Variants in IQGAP3 observed in about 807,000 individuals in gnomAD.
IQGAP3 encodes IQ motif containing GTPase activating protein 3.
IQGAP3 carries 165 observed loss-of-function variants against 208.2 expected under a neutral mutation model. The ratio of observed to expected loss-of-function variants is 0.79; its 90% CI spans 0.70 to 0.90. IQGAP3 has a LOEUF of 0.90. Ranked by LOEUF, IQGAP3 falls within the 40% of genes least tolerant of loss-of-function variation. The probability of loss-of-function intolerance (pLI) is 0.00; values close to 1 mark genes in which losing one functional copy is unlikely to be tolerated. For missense variants in IQGAP3, 1,811 were observed against 2,043.1 expected (o/e 0.89, Z 2.19); for synonymous variants, 703 against 803.6 (o/e 0.87, Z 2.12).
At chr1:156,546,611 G>A (rs1402349567) in intron 19 of IQGAP3, among the ~76,000 whole-genome samples, 1 of 152,162 alleles carries the variant, frequency 6.6e-6, no homozygotes, top group Admixed American at 6.5e-5. Flanking sequence ...CATGCTAAGT[G>A]CTACATGTAA....
At chr1:156,552,162 C>T in intron 13 of IQGAP3, 67 bp from the exon 14 acceptor site, 2 of 1,573,602 alleles carry the variant, frequency 1.3e-6, no homozygotes, top group South Asian at 1.2e-5. Context: ...TCAGGGGAAA[C>T]AGTTGAACGA....
Position 156,539,927 on chromosome 1 carries a change from C to T in IQGAP3, c.2803G>A (p.Val935Ile), listed in dbSNP as rs775492511. ...TTTAAACCCTTCTGCTTGTCCAGAA[C>T]CATCATATCTGACAGCTGTTCCTTA... Reference protein sequence around the residue: ...RNKEQLSDMMVLDKQKGLKSL... With the variant: ...RNKEQLSDMMILDKQKGLKSL... The change falls in exon 24 of 38, where the codon GTT (valine) becomes ATT (isoleucine). Residue 935 changes from valine to isoleucine, a missense_variant. Val to Ile is a conservative substitution (Grantham distance 29). Transcript: ENST00000361170. 3 of 1,614,090 alleles carry T rather than the reference C, an allele frequency of 1.9e-6. No homozygotes were observed. In the Admixed American group the frequency reaches 5.0e-5, roughly 27 times the overall value.
rs1431122691 is a variant in IQGAP3, at chr1:156,530,199, T to A, written c.4310A>T (p.Gln1437Leu). 1 of 1,613,340 alleles carries A rather than the reference T, an allele frequency of 6.2e-7. No individual in the cohort carries two copies. Residue 1437 changes from glutamine (Q) to leucine (L), a missense_variant, in exon 34 of 38, where the codon CAG (glutamine) becomes CTG (leucine). Transcript: ENST00000361170. Reference protein sequence around the residue: ...AHSLLPLAEKQRRVLRNLRRL... With the variant: ...AHSLLPLAEKLRRVLRNLRRL... ...GCGTAGGTTCCGCAGGACGCGCCGC[T>A]GCTTCTCTGCCAGTGGCAGGAGGGA...
chr1:156,553,356 T>C (rs970483530), intron 13 of IQGAP3, among the ~76,000 whole-genome samples: 19 of 152,206 alleles, frequency 1.2e-4, no homozygotes, highest in African/African-American at 4.6e-4. Context: ...GGCTTCCTGA[T>C]GTTCTTTGAA....
At chr1:156,561,084 G>A in intron 10 of IQGAP3, 63 bp from the exon 11 acceptor site, 4 of 1,232,342 alleles carry the variant, frequency 3.2e-6, no homozygotes, top group Non-Finnish European at 4.8e-6. Flanking sequence ...TGCTTTACGA[G>A]TTGCCAGCAT....
Position 156,564,619 on chromosome 1 carries a change from G to C in IQGAP3, c.433C>G (p.Leu145Val), listed in dbSNP as rs745666241. Residue 145 changes from leucine (L) to valine (V), a missense_variant, in exon 5 of 38, where the codon CTC becomes GTC. Leu to Val is a conservative substitution (Grantham distance 32, BLOSUM62 1). Coordinates refer to ENST00000361170, the MANE Select transcript of IQGAP3 (RefSeq NM_178229.5). ...ATAAAATTTGAGGTCTCTCACCTGAGAGCATGGATGCAGTAGACTACCCGG... is the reference window on the plus strand; with the variant it reads ...ATAAAATTTGAGGTCTCTCACCTGACAGCATGGATGCAGTAGACTACCCGG... Reference protein sequence around the residue: ...MPRVVYCIHALSLFLFRLGLA... With the variant: ...MPRVVYCIHAVSLFLFRLGLA... 10 of 1,610,350 alleles carry C rather than the reference G, an allele frequency of 6.2e-6. No homozygotes were observed. In the East Asian group the frequency reaches 1.6e-4, roughly 25 times the overall value.
In IQGAP3 at chr1:156,525,653, G is replaced by A. The variant is rs758194174; in HGVS notation, c.*833C>T. 3.6e-5 allele frequency: 5 copies of A among 140,050 alleles called. No homozygotes were observed. Among genetic ancestry groups the A allele is most frequent in the African/African-American group, 5.2e-5 (2 of 38,322 alleles). 8.7% of individuals were successfully genotyped at this position (140,050 alleles called of 1,614,324 possible). On this transcript the variant is annotated 3_prime_UTR_variant, in exon 38 of 38. Coordinates refer to ENST00000361170, the MANE Select transcript of IQGAP3 (RefSeq NM_178229.5). Reference sequence around the variant, plus strand: ...TGAGAATCTGTTGCCCCAACCTAAGGTGACTTTAAATCCAAGGTAAAAAAC... The same window carrying A: ...TGAGAATCTGTTGCCCCAACCTAAGATGACTTTAAATCCAAGGTAAAAAAC...
Position 156,552,061 on chromosome 1 carries a change from G to A in IQGAP3, c.1483C>T (p.Arg495Cys), listed in dbSNP as rs141030517. 8.4e-5 allele frequency: 135 copies of A among 1,614,132 alleles called. No individual in the cohort carries two copies. The highest frequency in any genetic ancestry group is 8.3e-4 in the African/African-American group (62 of 75,028). ...CTCAGGAAGTCCTCACCCATCCCAC[G>A]CTCCTGTCGCAATTTCAGCAGGGCA... The part of the protein sequence containing the change: ...FDALLKLRQE[R>C]GMGEDFLSWN... The change falls in exon 14 of 38, where the codon CGT becomes TGT. Residue 495 changes from arginine to cysteine, a missense_variant. Physicochemically the swap from Arg to Cys is radical, Grantham distance 180. Transcript: ENST00000361170.
intron 36 of IQGAP3, 92 bp from the exon 37 acceptor site, chr1:156,528,152 C>G: frequency 1.1e-6 from 1 of 950,442 alleles, no homozygotes; most frequent in Non-Finnish European, 1.7e-6. Flanking sequence ...TCCTGGGCAG[C>G]GGTGTCATCC....
rs1244544731 is a variant in IQGAP3 at position 156,566,511 on chromosome 1, G to T, written c.161C>A (p.Ser54Tyr). The change falls in exon 3 of 38, where the codon TCC becomes TAC. Residue 54 changes from serine to tyrosine, a missense_variant. Transcript: ENST00000361170. ...AAGGCTCTCCTCCAGCTCCACCGGG[G>T]AAGGAAGCTCCTCCTTCAGGCAGGC... ...MEACLKEELP[S>Y]PVELEESLRN... is the part of the protein sequence containing the mutation. The T allele has an allele frequency of 1.2e-6, 2 of 1,614,132 alleles. No homozygotes were observed. Among genetic ancestry groups the T allele is most frequent in the East Asian group, 4.5e-5 (2 of 44,876 alleles).
chr1:156,545,503 C>CT (rs34641885), intron 19 of IQGAP3, among the ~76,000 whole-genome samples: 8,442 of 142,438 alleles, frequency 0.059, 362 homozygotes, highest in African/African-American at 0.11. Flanking sequence ...TACTTCCTGT[C>CT]TTTTTTTTTT....
intron 2 of IQGAP3, among the ~76,000 whole-genome samples, chr1:156,567,418 C>T (rs1676459281): frequency 6.6e-6 from 1 of 152,214 alleles, no homozygotes; most frequent in Admixed American, 6.5e-5. Context: ...CCTCTGTGAG[C>T]CTCAGTTGCA....
Position 156,540,009 on chromosome 1 carries a change from G to T in IQGAP3, c.2740-19C>A. 1 of 1,613,924 alleles carries T rather than the reference G, an allele frequency of 6.2e-7. No homozygotes were observed. The highest frequency in any genetic ancestry group is 8.5e-7 in the Non-Finnish European group (1 of 1,179,954). ...CCACTTCCTGCAGGGGTGGAGGAGC[G>T]GGTGATACAACTAGCCTAGGCCATC... On this transcript the variant is annotated intron_variant, in intron 23 of 37. Transcript: ENST00000361170.
In IQGAP3 at chr1:156,525,734, A is replaced by AAAAAAAAAAC. The variant is rs1674015604; in HGVS notation, c.*751_*752insGTTTTTTTTT. 7.1e-6 allele frequency: 1 copy of AAAAAAAAAAC among 141,758 alleles called. No homozygotes were observed. Among genetic ancestry groups the AAAAAAAAAAC allele is most frequent in the African/African-American group, 2.7e-5 (1 of 36,908 alleles). 8.8% of individuals were successfully genotyped at this position (141,758 alleles called of 1,614,324 possible). A position where few individuals can be genotyped will look rare whatever the true frequency, so the allele number is the denominator to read the frequency against. ...ATGAGAACTCTCTTTGAGCTCAAAAAAAAAAAAAAAAAAAAAAAAATGAAA... is the reference window on the plus strand; with the variant it reads ...ATGAGAACTCTCTTTGAGCTCAAAAAAAAAAAAAACAAAAAAAAAAAAAAAAAAAATGAAA... On this transcript the variant is annotated 3_prime_UTR_variant, in exon 38 of 38. Coordinates refer to ENST00000361170, the MANE Select transcript of IQGAP3 (RefSeq NM_178229.5).
At chr1:156,536,546 A>C (rs1674695759) in intron 27 of IQGAP3, among the ~76,000 whole-genome samples, 1 of 152,200 alleles carries the variant, frequency 6.6e-6, no homozygotes, top group Non-Finnish European at 1.5e-5. Context: ...AGAAAGAATA[A>C]GTTCTGGTGC....
chr1:156,563,815 G>C lies in IQGAP3; in HGVS notation c.447C>G (p.Leu149=). ...VYCIHALSLF[L]FRLGLAPQIH... is the part of the protein sequence containing the mutation. ...TCTGAGGGGCCAATCCCAGCCGGAA[G>C]AGGAAGAGACTAGGAAAAAACGGAA... The change falls in exon 6 of 38, where the codon CTC becomes CTG. Residue 149 remains leucine, a synonymous_variant. Transcript: ENST00000361170. The C allele has an allele frequency of 6.2e-7, 1 of 1,613,972 alleles. No individual in the cohort carries two copies. Among genetic ancestry groups the C allele is most frequent in the Non-Finnish European group, 8.5e-7 (1 of 1,179,928 alleles).
At chr1:156,561,816 C>T in intron 10 of IQGAP3, 22 bp downstream of exon 10, 1 of 1,611,964 alleles carries the variant, frequency 6.2e-7, no homozygotes, top group Non-Finnish European at 8.5e-7. Context: ...CAGGGGGTGG[C>T]AGGTAATAGA....
rs114568328 is a variant in IQGAP3 at position 156,543,514 on chromosome 1, T to C, written c.2530+467A>G. On this transcript the variant is annotated intron_variant, in intron 22 of 37. Transcript: ENST00000361170. ...CTTGAAGAACAAGAGCCAGAAAGGA[T>C]CTCTTTAAAGCTTTAAATGAGCACC... Among the ~76,000 whole-genome samples, 793 of 152,226 alleles carry C rather than the reference T, an allele frequency of 5.2e-3. 5 individuals are homozygous for C. Among genetic ancestry groups the C allele is most frequent in the African/African-American group, 0.018 (758 of 41,528 alleles).
Position 156,544,221 on chromosome 1 carries a change from G to T in IQGAP3, c.2391C>A (p.Ile797=). The change falls in exon 21 of 38, where the codon ATC becomes ATA. Residue 797 remains isoleucine (I), a splice_region_variant and synonymous_variant. Transcript: ENST00000361170. ...FKANLDAIIK[I]QAWARMWAAR... ...CTGCCCACATCCGGGCCCAGGCCTGGATCTGGGAGAAGAAACACACTGCCT... is the reference window on the plus strand; with the variant it reads ...CTGCCCACATCCGGGCCCAGGCCTGTATCTGGGAGAAGAAACACACTGCCT... 1 of 1,614,102 alleles carries T rather than the reference G, an allele frequency of 6.2e-7. No individual in the cohort carries two copies. Among genetic ancestry groups the T allele is most frequent in the South Asian group, 1.1e-5 (1 of 91,078 alleles).
Sources: gnomAD v4.1 joint callset for allele counts (sites outside exome capture counted in the v4.1 genomes callset) on GRCh38, gnomAD v4.1.1 for gene constraint, MANE v1.5 for transcripts, NCBI Gene and HGNC (gene_info 2026-07-23, HGNC 2026-07-21) for gene names.